The following SPMAP2L variants were observed in gnomAD, a reference collection of about 807,000 sequenced individuals.
SPMAP2L encodes sperm microtubule associated protein 2-like.
the SPMAP2L span, among the ~76,000 whole-genome samples, chr4:56,615,358 A>C: frequency 6.6e-6 from 1 of 152,210 alleles, no homozygotes; most frequent in Non-Finnish European, 1.5e-5. Flanking sequence ...GCGATCAGTC[A>C]TCTCTTCTGT....
chr4:56,619,370 T>A, the SPMAP2L span, among the ~76,000 whole-genome samples: 1 of 152,236 alleles, frequency 6.6e-6, no homozygotes, highest in Admixed American at 6.5e-5. Context: ...TGAAACTTGA[T>A]GCCTGTTGTT....
At chr4:56,592,886 G>C in the SPMAP2L span, 20 of 1,609,024 alleles carry the variant, frequency 1.2e-5, no homozygotes, top group South Asian at 1.9e-4. Flanking sequence ...AGACCAGAGA[G>C]AGATGCTGCA....
At chr4:56,567,298 G>A in the SPMAP2L span, among the ~76,000 whole-genome samples, 170 of 150,912 alleles carry the variant, frequency 1.1e-3, no homozygotes, top group African/African-American at 4.0e-3. Flanking sequence ...ATGGAGTGTC[G>A]CCATGTCACC....
At chr4:56,624,554 C>A in the SPMAP2L span, among the ~76,000 whole-genome samples, 2 of 152,158 alleles carry the variant, frequency 1.3e-5, no homozygotes. Context: ...TGGGCCAGGC[C>A]CAGGGTCCCC....
At chr4:56,550,671 C>CA in the SPMAP2L span, among the ~76,000 whole-genome samples, 6 of 152,140 alleles carry the variant, frequency 3.9e-5, no homozygotes, top group African/African-American at 1.4e-4. Flanking sequence ...AGTGTGGTTT[C>CA]AAAAAAGTTT....
chr4:56,544,940 G>A, the SPMAP2L span, among the ~76,000 whole-genome samples: 1 of 152,340 alleles, frequency 6.6e-6, no homozygotes, highest in Middle Eastern at 3.4e-3. Flanking sequence ...CTGTCCGCAA[G>A]GTGGTGGCCA....
chr4:56,537,883 C>T, the SPMAP2L span, among the ~76,000 whole-genome samples: 8 of 151,934 alleles, frequency 5.3e-5, no homozygotes, highest in African/African-American at 9.7e-5. Context: ...TTAGTAGAGA[C>T]GGGGTTTCAC....
chr4:56,624,878 G>C, the SPMAP2L span, among the ~76,000 whole-genome samples: 3 of 152,210 alleles, frequency 2.0e-5, no homozygotes, highest in African/African-American at 7.2e-5. Flanking sequence ...CCCCCACACA[G>C]AGTCCCTACT....
chr4:56,589,746 G>T, the SPMAP2L span, among the ~76,000 whole-genome samples: 2 of 150,426 alleles, frequency 1.3e-5, no homozygotes, highest in East Asian at 1.9e-4. Context: ...GTGTGGGGGG[G>T]TTTTGTTTTT....
At chr4:56,601,508 C>A in the SPMAP2L span, among the ~76,000 whole-genome samples, 1 of 152,060 alleles carries the variant, frequency 6.6e-6, no homozygotes, top group African/African-American at 2.4e-5. Flanking sequence ...CTAGTAATCC[C>A]AACACTTTGG....
the SPMAP2L span, chr4:56,575,383 G>A: frequency 8.8e-7 from 1 of 1,138,324 alleles, no homozygotes; most frequent in Non-Finnish European, 1.2e-6. Context: ...ATGGAAAATA[G>A]ATCATCAATA....
chr4:56,541,642 A>G, the SPMAP2L span, among the ~76,000 whole-genome samples: 7 of 152,100 alleles, frequency 4.6e-5, no homozygotes, highest in African/African-American at 1.2e-4. Flanking sequence ...GCACCCCCCA[A>G]TCCTAATTTT....
chr4:56,543,314 C>G, the SPMAP2L span, among the ~76,000 whole-genome samples: 1 of 152,202 alleles, frequency 6.6e-6, no homozygotes, highest in South Asian at 2.1e-4. Flanking sequence ...CGACCTCCTG[C>G]CCTCGTGATC....
At chr4:56,534,067 C>T in the SPMAP2L span, among the ~76,000 whole-genome samples, 3 of 152,154 alleles carry the variant, frequency 2.0e-5, no homozygotes, top group African/African-American at 4.8e-5. Context: ...CCCATGTGCC[C>T]GTCCAGGTAC....
At chr4:56,594,990 G>C in the SPMAP2L span, 1 of 1,607,836 alleles carries the variant, frequency 6.2e-7, no homozygotes, top group South Asian at 1.1e-5. Context: ...ACCTTGCCCC[G>C]TTTTTGCCCA....
chr4:56,584,498 C>A, the SPMAP2L span: 4 of 1,528,084 alleles, frequency 2.6e-6, no homozygotes, highest in East Asian at 7.3e-5. Context: ...TGCATATAGA[C>A]CCTTCAGTGA....
chr4:56,569,477 C>T, the SPMAP2L span, among the ~76,000 whole-genome samples: 31 of 148,654 alleles, frequency 2.1e-4, no homozygotes, highest in East Asian at 4.9e-3. Context: ...AATCCTTTGT[C>T]CATTTTTGAG....
the SPMAP2L span, among the ~76,000 whole-genome samples, chr4:56,585,996 CAAT>C: frequency 6.6e-6 from 1 of 152,152 alleles, no homozygotes; most frequent in African/African-American, 2.4e-5. Context: ...CATAAAACAA[CAAT>C]GATTTTATTA....
the SPMAP2L span, chr4:56,596,359 A>G: frequency 4.2e-6 from 3 of 709,508 alleles, no homozygotes; most frequent in Non-Finnish European, 6.1e-6. Flanking sequence ...AGCTGTGATT[A>G]TAGGTTACTG....
Sources: allele counts gnomAD v4.1 joint callset (sites outside exome capture counted in the v4.1 genomes callset), GRCh38; gene constraint gnomAD v4.1.1; transcripts MANE v1.5; gene names NCBI Gene and HGNC (gene_info 2026-07-23, HGNC 2026-07-21).